HAUS5: variants seen among roughly 807,000 people sequenced by gnomAD.
HAUS5 encodes HAUS augmin like complex subunit 5.
A neutral mutation model predicts 94.1 loss-of-function variants in HAUS5; 67 were observed. That is an observed-to-expected ratio of 0.71 (90% CI 0.58 to 0.87). The LOEUF (loss-of-function observed/expected upper bound fraction) is 0.87, where lower values mean the gene tolerates loss of function less well. Ranked by LOEUF, HAUS5 falls within the 40% of genes least tolerant of loss-of-function variation. The probability of loss-of-function intolerance (pLI) is 0.00; values close to 1 mark genes in which losing one functional copy is unlikely to be tolerated. For missense variants in HAUS5, 739 were observed against 825.6 expected, an observed-to-expected ratio of 0.90 and a Z score of 1.29; for synonymous variants, 339 against 355.4, an observed-to-expected ratio of 0.95 and a Z score of 0.52.
intron 4 of HAUS5, 63 bp from the exon 5 acceptor site, chr19:35,614,979 C>A: frequency 7.9e-7 from 1 of 1,262,100 alleles, no homozygotes; most frequent in Non-Finnish European, 1.1e-6. Flanking sequence ...GCCTGGTACC[C>A]CCAAAAGACA....
rs1200922352 is a variant in HAUS5 at position 35,612,763 on chromosome 19, G to C, written c.-32G>C. ...GGCGGGCGCCACACTTGAAGAGGCTGAGGGAGGCGGTGTCGCCGCCGCGGC... is the reference window on the plus strand; with the variant it reads ...GGCGGGCGCCACACTTGAAGAGGCTCAGGGAGGCGGTGTCGCCGCCGCGGC... On this transcript the variant is annotated 5_prime_UTR_variant, in exon 1 of 19. Transcript: ENST00000203166. The C allele has an allele frequency of 6.6e-7, 1 of 1,505,696 alleles. No homozygotes were observed. Among genetic ancestry groups the C allele is most frequent in the South Asian group, 1.2e-5 (1 of 82,718 alleles). The allele number at this position is 1,505,696 out of a possible 1,614,324, so 93.3% of individuals were successfully genotyped here.
intron 8 of HAUS5, 74 bp from the exon 9 acceptor site, chr19:35,617,781 T>G (rs1369209519): frequency 7.9e-7 from 1 of 1,269,718 alleles, no homozygotes; most frequent in Admixed American, 1.7e-5. Flanking sequence ...CCCTACCTTA[T>G]AGGGTGGTGG....
chr19:35,615,046 G>A lies in HAUS5; in HGVS notation c.224G>A (p.Arg75His), dbSNP rs202032887. The A allele has an allele frequency of 6.4e-5, 102 of 1,588,738 alleles. 1 individual carries two copies. In the East Asian group the frequency reaches 1.9e-3, roughly 30 times the overall value. Reference protein sequence around the residue: ...WYGHQDSPQVRRKLELEAAVT... With the variant: ...WYGHQDSPQVHRKLELEAAVT... ...CCCTGAATCTGATCCTCCCAGGTCCGTCGGAAGTTAGAGCTGGAAGCTGCT... is the reference window on the plus strand; with the variant it reads ...CCCTGAATCTGATCCTCCCAGGTCCATCGGAAGTTAGAGCTGGAAGCTGCT... The change falls in exon 5 of 19, where the codon CGT (arginine) becomes CAT (histidine). Residue 75 changes from arginine to histidine, a missense_variant. Physicochemically the swap from Arg to His is conservative, Grantham distance 29. Transcript: ENST00000203166.
At position 35,618,575 on chromosome 19, in the gene HAUS5, T is replaced by C. The variant is rs895087385; in HGVS notation, c.892T>C (p.Trp298Arg). 23 of 1,604,436 alleles carry C rather than the reference T, an allele frequency of 1.4e-5. No individual in the cohort carries two copies. The Admixed American group carries it at 2.7e-4, about 19-fold the overall frequency. ...TTCTGTACCCCGCTTGCAGGAGGGC[T>C]GGCGGACTGTGGGTGTGCTGGTCTC... ...PSMVHLIQEG[W>R]RTVGVLVSQR... Residue 298 changes from tryptophan to arginine, a missense_variant, in exon 12 of 19, where the codon TGG becomes CGG. Trp to Arg is a moderately radical substitution (Grantham distance 101). Transcript: ENST00000203166.
rs777846203 is a variant in HAUS5, at chr19:35,619,756, A to C, written c.1404A>C (p.Gly468=). The change falls in exon 15 of 19, where the codon GGA becomes GGC. Residue 468 remains glycine (G), a splice_region_variant and synonymous_variant. Transcript: ENST00000203166. The part of the protein sequence containing the change: ...LLGTLLRHRP[G]ELKPLPTVLP... ...GCACGCTGCTGCGGCACAGGCCGGG[A>C]GAGTGAGACTGGGGCTGCCCCACCC... is the stretch of plus-strand genomic sequence containing the variant. 6.5e-7 allele frequency: 1 copy of C among 1,548,536 alleles called. No individual in the cohort carries two copies. Among genetic ancestry groups the C allele is most frequent in the East Asian group, 2.4e-5 (1 of 41,732 alleles).
intron 18 of HAUS5, 31 bp downstream of exon 18, chr19:35,622,764 C>CAG (rs1454682755): frequency 6.2e-7 from 1 of 1,613,606 alleles, no homozygotes; most frequent in Non-Finnish European, 8.5e-7. Context: ...GGATGGGAAA[C>CAG]AGAAAAGTCA....
At chr19:35,619,251 G>C (rs537960301) in intron 13 of HAUS5, among the ~76,000 whole-genome samples, 173 bp from the exon 14 acceptor site, 3 of 152,296 alleles carry the variant, frequency 2.0e-5, no homozygotes, top group Admixed American at 2.0e-4. Flanking sequence ...CTGGGTGACA[G>C]AGCAAGATGC....
At chr19:35,619,584 G>GCCCCCCCCCCCCCCCCCCCA in intron 14 of HAUS5, 29 bp from the exon 15 acceptor site, 2 of 1,533,854 alleles carry the variant, frequency 1.3e-6, no homozygotes, top group Non-Finnish European at 1.8e-6. Context: ...ATGTTGTGAT[G>GCCCCCCCCCCCCCCCCCCCA]CCCCACCCAC....
At position 35,615,130 on chromosome 19, in the gene HAUS5, G is replaced by A. The variant is rs776708987; in HGVS notation, c.308G>A (p.Arg103Gln). ...GACCAGAGCCTGGAGCTGATGGAGC[G>A]AGACACTGAGGCTCAGGGTGAGCCA... Reference protein sequence around the residue: ...ELDQSLELMERDTEAQDTAME... With the variant: ...ELDQSLELMEQDTEAQDTAME... The change falls in exon 5 of 19, where the codon CGA (arginine) becomes CAA (glutamine). Residue 103 changes from arginine to glutamine, a missense_variant. Transcript: ENST00000203166. 15 of 1,609,972 alleles carry A rather than the reference G, an allele frequency of 9.3e-6. No homozygotes were observed. The highest frequency in any genetic ancestry group is 8.0e-5 in the African/African-American group (6 of 74,860).
chr19:35,623,001 G>C lies in HAUS5; in HGVS notation c.*8G>C, dbSNP rs933738413. On this transcript the variant is annotated 3_prime_UTR_variant, in exon 19 of 19. Transcript: ENST00000203166. ...CAGAAGCTGTGCAGCTGAAGAGAGG[G>C]TTCAAACGGAAGCCGAGAACTTGAC... is the stretch of plus-strand genomic sequence containing the variant. The C allele has an allele frequency of 2.5e-6, 4 of 1,574,556 alleles. No individual in the cohort carries two copies. The African/African-American group carries it at 4.1e-5, about 16-fold the overall frequency.
intron 10 of HAUS5, 76 bp downstream of exon 10, chr19:35,618,271 C>T: frequency 6.3e-7 from 1 of 1,599,974 alleles, no homozygotes. Flanking sequence ...GGACCCCTGG[C>T]CCAGCCACCT....
At chr19:35,615,176 C>G (rs1243683226) in intron 5 of HAUS5, 29 bp downstream of exon 5, 8 of 1,611,516 alleles carry the variant, frequency 5.0e-6, no homozygotes, top group Non-Finnish European at 3.4e-6. Flanking sequence ...AGATGGGCAC[C>G]AGAATGTGGG....
chr19:35,619,800 C>T (rs746257978), intron 15 of HAUS5, 42 bp downstream of exon 15: 6 of 1,511,718 alleles, frequency 4.0e-6, no homozygotes, highest in Non-Finnish European at 5.3e-6. Flanking sequence ...CATCCCCTGC[C>T]ATGGGTGACT....
In HAUS5 at chr19:35,620,024, G is replaced by T; in HGVS notation, c.1419G>T (p.Leu473=). The change falls in exon 16 of 19, where the codon CTG becomes CTT. Residue 473 remains leucine (L), a synonymous_variant. Transcript: ENST00000203166. ...TCCCCGCCCGTAGGTTGAAGCCCCTGCCCACGGTCCTCCCATCCATCCACC... is the reference window on the plus strand; with the variant it reads ...TCCCCGCCCGTAGGTTGAAGCCCCTTCCCACGGTCCTCCCATCCATCCACC... ...LRHRPGELKP[L]PTVLPSIHQL... 1.2e-6 allele frequency: 2 copies of T among 1,613,358 alleles called. No individual in the cohort carries two copies. The highest frequency in any genetic ancestry group is 1.7e-6 in the Non-Finnish European group (2 of 1,179,608).
chr19:35,619,816 T>G, intron 15 of HAUS5, 58 bp downstream of exon 15: 2 of 1,495,508 alleles, frequency 1.3e-6, no homozygotes, highest in Non-Finnish European at 1.8e-6. Context: ...TGACTGTCAC[T>G]CCCTGAACCT....
chr19:35,618,221 T>C (rs374135452), intron 10 of HAUS5, 26 bp downstream of exon 10: 1 of 1,594,660 alleles, frequency 6.3e-7, no homozygotes, highest in African/African-American at 1.3e-5. Flanking sequence ...TTCTCACAGT[T>C]GGGGAAGGCC....
At chr19:35,620,628 C>G (rs1184809507) in intron 17 of HAUS5, among the ~76,000 whole-genome samples, 2 of 152,152 alleles carry the variant, frequency 1.3e-5, no homozygotes, top group Non-Finnish European at 2.9e-5. Context: ...GCTACACTGC[C>G]GTCGACTTTC....
chr19:35,618,584 G>A lies in HAUS5; in HGVS notation c.901G>A (p.Val301Met). 4.4e-6 allele frequency: 7 copies of A among 1,605,198 alleles called. No homozygotes were observed. The highest frequency in any genetic ancestry group is 2.2e-5 in the East Asian group (1 of 44,656). The part of the protein sequence containing the change: ...VHLIQEGWRT[V>M]GVLVSQRSTL... ...CCGCTTGCAGGAGGGCTGGCGGACT[G>A]TGGGTGTGCTGGTCTCCCAGCGGAG... The change falls in exon 12 of 19, where the codon GTG becomes ATG. Residue 301 changes from valine to methionine, a missense_variant. Coordinates refer to ENST00000203166, the MANE Select transcript of HAUS5 (RefSeq NM_015302.2).
chr19:35,618,544 C>T (rs1270197633), intron 11 of HAUS5, 25 bp from the exon 12 acceptor site: 2 of 1,609,844 alleles, frequency 1.2e-6, no homozygotes, highest in Non-Finnish European at 1.7e-6. Context: ...CCTGGGTGTA[C>T]CCTGATTCTG....
Sources: allele counts gnomAD v4.1 joint callset (sites outside exome capture counted in the v4.1 genomes callset), GRCh38; gene constraint gnomAD v4.1.1; transcripts MANE v1.5; gene names NCBI Gene and HGNC (gene_info 2026-07-23, HGNC 2026-07-21).